Variants in RYR3 observed in about 807,000 individuals in gnomAD.
RYR3 encodes the protein brain ryanodine receptor-calcium release channel.
In RYR3, 207 loss-of-function variants were observed where a neutral mutation model predicts 584.3. The ratio of observed to expected loss-of-function variants is 0.35; its 90% CI spans 0.32 to 0.40. The LOEUF (loss-of-function observed/expected upper bound fraction) is 0.40. RYR3 is among the 10% of genes least tolerant of loss of function. The probability of loss-of-function intolerance (pLI) is 1.00; values close to 1 mark genes in which losing one functional copy is unlikely to be tolerated. For synonymous variants in RYR3, 2,416 were observed against 2,248.5 expected (o/e 1.07, Z -2.11); for missense variants, 5,616 against 6,089.2 (o/e 0.92, Z 2.59).
chr15:33,659,280 C>T (rs529586159), intron 32 of RYR3, among the ~76,000 whole-genome samples: 5 of 152,314 alleles, frequency 3.3e-5, no homozygotes, highest in African/African-American at 1.2e-4. Flanking sequence ...GCCTGAGTCA[C>T]CACCCTATCC....
At chr15:33,551,653 G>A (rs781033157) in intron 10 of RYR3, among the ~76,000 whole-genome samples, 1 of 152,052 alleles carries the variant, frequency 6.6e-6, no homozygotes, top group African/African-American at 2.4e-5. Flanking sequence ...CTTCCTAACC[G>A]TCTCTCAAAT....
At chr15:33,797,804 A>G (rs72625166) in intron 67 of RYR3, among the ~76,000 whole-genome samples, 27,768 of 152,142 alleles carry the variant, frequency 0.18, 3,253 homozygotes, top group East Asian at 0.29. Flanking sequence ...TGGAAAACCT[A>G]TCAAGCTCAT....
intron 11 of RYR3, among the ~76,000 whole-genome samples, chr15:33,564,842 A>G (rs2057614461): frequency 6.6e-6 from 1 of 152,214 alleles, no homozygotes; most frequent in African/African-American, 2.4e-5. Flanking sequence ...AACTCTCTCC[A>G]GCTGGTGTGA....
At chr15:33,635,527 T>A in intron 25 of RYR3, 87 bp from the exon 26 acceptor site, 1 of 966,908 alleles carries the variant, frequency 1.0e-6, no homozygotes, top group Non-Finnish European at 1.6e-6. Flanking sequence ...CTCATCAAAT[T>A]CTTTTGAGTA....
At chr15:33,376,039 G>A (rs1270910809) in intron 1 of RYR3, among the ~76,000 whole-genome samples, 1 of 152,186 alleles carries the variant, frequency 6.6e-6, no homozygotes, top group Admixed American at 6.5e-5. Flanking sequence ...ACTCCAGCCT[G>A]GGGAACAGAG....
chr15:33,857,013 T>G (rs916322768), intron 98 of RYR3, among the ~76,000 whole-genome samples: 1 of 152,110 alleles, frequency 6.6e-6, no homozygotes, highest in African/African-American at 2.4e-5. Flanking sequence ...AAGCCTCAGG[T>G]AACAGCTAGC....
chr15:33,536,260 G>C (rs1210703952), intron 5 of RYR3, among the ~76,000 whole-genome samples: 1 of 152,152 alleles, frequency 6.6e-6, no homozygotes, highest in Admixed American at 6.5e-5. Context: ...TTTGGGGGCA[G>C]TTTCTTGAAC....
At chr15:33,830,681 A>T (rs1462764928) in intron 85 of RYR3, 2 of 254,104 alleles carry the variant, frequency 7.9e-6, no homozygotes, top group Admixed American at 1.0e-4. Flanking sequence ...AATTACCATT[A>T]TCTTCACATA....
At chr15:33,386,544 T>C (rs1203756731) in intron 1 of RYR3, among the ~76,000 whole-genome samples, 1 of 152,232 alleles carries the variant, frequency 6.6e-6, no homozygotes, top group African/African-American at 2.4e-5. Flanking sequence ...CCTTGTCCTC[T>C]TTTTAAAAAA....
chr15:33,444,727 G>A (rs1342771103), intron 1 of RYR3, among the ~76,000 whole-genome samples: 1 of 152,176 alleles, frequency 6.6e-6, no homozygotes, highest in Non-Finnish European at 1.5e-5. Context: ...TGGCAAAAGA[G>A]CATTGCAGGT....
At chr15:33,321,054 C>A (rs1031868935) in intron 1 of RYR3, among the ~76,000 whole-genome samples, 2 of 152,164 alleles carry the variant, frequency 1.3e-5, no homozygotes, top group African/African-American at 4.8e-5. Flanking sequence ...CTTTGCAAAG[C>A]CTCTTGATGC....
intron 22 of RYR3, among the ~76,000 whole-genome samples, chr15:33,630,834 C>T (rs2061229403): frequency 6.6e-6 from 1 of 152,194 alleles, no homozygotes; most frequent in Non-Finnish European, 1.5e-5. Flanking sequence ...CCAAGAGGGG[C>T]AATTAACAAA....
intron 1 of RYR3, among the ~76,000 whole-genome samples, chr15:33,355,019 A>G (rs568263060): frequency 2.1e-4 from 32 of 152,096 alleles, no homozygotes; most frequent in Admixed American, 7.9e-4. Context: ...CCCCGTCTCT[A>G]CTAAAAATAC....
chr15:33,442,899 C>T (rs1008723480), intron 1 of RYR3, among the ~76,000 whole-genome samples: 1 of 152,178 alleles, frequency 6.6e-6, no homozygotes, highest in Non-Finnish European at 1.5e-5. Flanking sequence ...CACAGTTGTT[C>T]TAATTGTCCT....
chr15:33,474,958 CA>C (rs1355043808), intron 2 of RYR3, among the ~76,000 whole-genome samples: 2 of 152,156 alleles, frequency 1.3e-5, no homozygotes, highest in African/African-American at 4.8e-5. Context: ...AGAAGAGAGA[CA>C]AGGAAAATTT....
At chr15:33,667,955 C>A (rs1270228850) in intron 36 of RYR3, among the ~76,000 whole-genome samples, 2 of 151,092 alleles carry the variant, frequency 1.3e-5, no homozygotes, top group Non-Finnish European at 2.9e-5. Flanking sequence ...CCCAGCTACT[C>A]GGCACCCTGA....
intron 65 of RYR3, among the ~76,000 whole-genome samples, chr15:33,782,889 A>C (rs1299493550): frequency 1.3e-5 from 2 of 152,242 alleles, no homozygotes; most frequent in African/African-American, 4.8e-5. Flanking sequence ...TCAGTTATTC[A>C]AAACTAGTTA....
chr15:33,647,395 A>G (rs1244925363), intron 29 of RYR3, 29 bp from the exon 30 acceptor site: 1 of 1,589,094 alleles, frequency 6.3e-7, no homozygotes, highest in African/African-American at 1.3e-5. Context: ...ACAGCTGAAT[A>G]ACTAAAACAT....
intron 3 of RYR3, among the ~76,000 whole-genome samples, chr15:33,520,017 A>G (rs2076884604): frequency 6.6e-6 from 1 of 152,216 alleles, no homozygotes; most frequent in Admixed American, 6.5e-5. Flanking sequence ...CAAAAAAGAT[A>G]GAGAGATTTA....
Sources: gnomAD v4.1 joint callset for allele counts (sites outside exome capture counted in the v4.1 genomes callset) on GRCh38, gnomAD v4.1.1 for gene constraint, MANE v1.5 for transcripts, NCBI Gene and HGNC (gene_info 2026-07-23, HGNC 2026-07-21) for gene names.